The following CCT2 variants were observed in gnomAD, a reference collection of about 807,000 sequenced individuals.
CCT2 encodes chaperonin containing TCP1 subunit 2.
A neutral mutation model predicts 61.8 loss-of-function variants in CCT2; 18 were observed. The ratio of observed to expected loss-of-function variants is 0.29; its 90% confidence interval spans 0.20 to 0.43. The LOEUF (loss-of-function observed/expected upper bound fraction) is 0.43. CCT2 is among the 20% of genes least tolerant of loss of function. The probability of loss-of-function intolerance (pLI) is 1.00; values close to 1 mark genes in which losing one functional copy is unlikely to be tolerated. For missense variants in CCT2, 556 were observed against 656.9 expected (o/e 0.85, Z 1.68); for synonymous variants, 248 against 215.9 (o/e 1.15, Z -1.30).
intron 3 of CCT2, 82 bp downstream of exon 3, chr12:69,586,900 C>CT: frequency 2.4e-6 from 2 of 820,700 alleles, no homozygotes; most frequent in Non-Finnish European, 3.8e-6. Flanking sequence ...TATTAAAATG[C>CT]TTTTTAATCT....
At chr12:69,588,417 T>G (rs1881731423) in intron 6 of CCT2, 155 bp downstream of exon 6, 1 of 594,732 alleles carries the variant, frequency 1.7e-6, no homozygotes, top group African/African-American at 1.9e-5. Flanking sequence ...CCTCCAGAGA[T>G]AGCCACTAAA....
At chr12:69,585,977 C>T in intron 1 of CCT2, 14 of 1,315,118 alleles carry the variant, frequency 1.1e-5, no homozygotes, top group Non-Finnish European at 1.4e-5. Context: ...CTCCCTGCCT[C>T]ATTCTTAGTT....
chr12:69,597,261 C>G lies in CCT2; in HGVS notation c.1088C>G (p.Ser363Cys). ...MIGEDKLIHF[S>C]GVALGEACTI... ...GGAGAAGACAAACTCATTCACTTTT[C>G]TGGGGTTGCCCTTGGTGAGTGATTA... Residue 363 changes from serine to cysteine, a missense_variant, in exon 11 of 16, where the codon TCT becomes TGT. Transcript: ENST00000299300. 6.2e-7 allele frequency: 1 copy of G among 1,613,878 alleles called. No individual in the cohort carries two copies. The highest frequency in any genetic ancestry group is 8.5e-7 in the Non-Finnish European group (1 of 1,179,868).
At chr12:69,593,755 A>C in intron 10 of CCT2, 142 bp downstream of exon 10, 2 of 535,328 alleles carry the variant, frequency 3.7e-6, no homozygotes, top group Non-Finnish European at 6.6e-6. Context: ...CCTTTAATTT[A>C]GATACATAGA....
intron 14 of CCT2, 56 bp downstream of exon 14, chr12:69,598,477 GCTTTTTT>G: frequency 9.0e-7 from 1 of 1,106,530 alleles, no homozygotes; most frequent in Non-Finnish European, 1.3e-6. Flanking sequence ...TTTTCACTAA[GCTTTTTT>G]TTTCTTTTGG....
chr12:69,591,137 A>G (rs1468805134), intron 7 of CCT2, among the ~76,000 whole-genome samples: 6 of 152,100 alleles, frequency 3.9e-5, no homozygotes, highest in African/African-American at 1.4e-4. Flanking sequence ...TGTAATAGGA[A>G]CTTTAGTCAT....
intron 5 of CCT2, 57 bp downstream of exon 5, chr12:69,588,063 T>C (rs1338125488): frequency 6.5e-6 from 10 of 1,544,372 alleles, no homozygotes; most frequent in African/African-American, 2.7e-5. Context: ...TCAGAGGTAA[T>C]CTAGTCCTTA....
intron 1 of CCT2, 100 bp downstream of exon 1, chr12:69,585,624 T>C: frequency 6.5e-7 from 1 of 1,547,170 alleles, no homozygotes; most frequent in Non-Finnish European, 8.7e-7. Flanking sequence ...GCTCCGTTTC[T>C]GTCTCCCCGG....
intron 7 of CCT2, 166 bp downstream of exon 7, chr12:69,589,853 T>C (rs1251295517): frequency 8.2e-6 from 5 of 608,680 alleles, no homozygotes; most frequent in Non-Finnish European, 1.4e-5. Context: ...AGTGTACTCC[T>C]CTTCCCGCGC....
In CCT2 at chr12:69,587,602, C is replaced by G; in HGVS notation, c.242C>G (p.Ala81Gly). The G allele has an allele frequency of 6.2e-7, 1 of 1,606,580 alleles. No homozygotes were observed. Among genetic ancestry groups the G allele is most frequent in the South Asian group, 1.1e-5 (1 of 90,882 alleles). ...LKNIGVDNPA[A>G]KVLVDMSRVQ... is the part of the protein sequence containing the mutation. ...AACATTGGTGTTGACAATCCAGCAG[C>G]TAAAGTTTTAGTTGGTAAGTCTGAA... is the stretch of plus-strand genomic sequence containing the variant. Residue 81 changes from alanine to glycine, a missense_variant, in exon 4 of 16, where the codon GCT becomes GGT. By Grantham distance (60) the Ala-to-Gly change is moderately conservative. Transcript: ENST00000299300.
rs1433532540 is a variant in CCT2 at position 69,586,832 on chromosome 12, A to G, written c.144+14A>G. On this transcript the variant is annotated intron_variant, in intron 3 of 15. Transcript: ENST00000299300. Reference sequence around the variant, plus strand: ...CCCAAAGGCATGGTAAGAAAAATAGAAAAGTTTTATATTTTAATATTGTTT... The same window carrying G: ...CCCAAAGGCATGGTAAGAAAAATAGGAAAGTTTTATATTTTAATATTGTTT... 18 of 1,530,982 alleles carry G rather than the reference A, an allele frequency of 1.2e-5. No homozygotes were observed. In the Admixed American group the frequency reaches 2.9e-4, roughly 25 times the overall value. The allele number at this position is 1,530,982 out of a possible 1,614,324, so 94.8% of individuals were successfully genotyped here.
chr12:69,599,508 C>T (rs35641), intron 14 of CCT2, among the ~76,000 whole-genome samples: 66,094 of 151,948 alleles, frequency 0.43, 15,390 homozygotes, highest in East Asian at 0.64. Context: ...CTGCCTCAGC[C>T]TCCTGAGTAG....
chr12:69,601,181 C>A, intron 15 of CCT2, 114 bp from the exon 16 acceptor site: 1 of 830,364 alleles, frequency 1.2e-6, no homozygotes, highest in Non-Finnish European at 1.9e-6. Context: ...CAAACCATTG[C>A]AGAGTTATAA....
At chr12:69,600,043 A>G (rs1593102685) in intron 15 of CCT2, 39 bp downstream of exon 15, 1 of 1,555,374 alleles carries the variant, frequency 6.4e-7, no homozygotes. Context: ...TACTAACAGC[A>G]AAACAAAATA....
intron 15 of CCT2, among the ~76,000 whole-genome samples, chr12:69,600,998 G>T (rs1001559503): frequency 6.6e-6 from 1 of 152,158 alleles, no homozygotes; most frequent in African/African-American, 2.4e-5. Flanking sequence ...ACACAGAGGA[G>T]GGGGCTGAGT....
chr12:69,597,948 A>T lies in CCT2; in HGVS notation c.1232-20A>T. 2 of 1,593,158 alleles carry T rather than the reference A, an allele frequency of 1.3e-6. No individual in the cohort carries two copies. Among genetic ancestry groups the T allele is most frequent in the Non-Finnish European group, 1.7e-6 (2 of 1,162,888 alleles). ...AGACAACTAAGCATTGCAATATTTTATTGGAATTTTAATCTTTAGGCTGTT... is the reference window on the plus strand; with the variant it reads ...AGACAACTAAGCATTGCAATATTTTTTTGGAATTTTAATCTTTAGGCTGTT... On this transcript the variant is annotated intron_variant, in intron 12 of 15. Transcript: ENST00000299300.
chr12:69,596,998 G>A (rs918555865), intron 10 of CCT2, among the ~76,000 whole-genome samples, 158 bp from the exon 11 acceptor site: 1 of 152,062 alleles, frequency 6.6e-6, no homozygotes, highest in Non-Finnish European at 1.5e-5. Context: ...ATAATTAGTC[G>A]ATATGAAGTA....
intron 7 of CCT2, among the ~76,000 whole-genome samples, chr12:69,590,192 T>G (rs1881792087): frequency 6.6e-6 from 1 of 152,236 alleles, no homozygotes; most frequent in African/African-American, 2.4e-5. Flanking sequence ...ATGCAGTATT[T>G]GCAGGATTTG....
intron 10 of CCT2, 49 bp from the exon 11 acceptor site, chr12:69,597,107 G>A: frequency 8.8e-6 from 14 of 1,584,190 alleles, no homozygotes; most frequent in Non-Finnish European, 1.2e-5. Context: ...TAGAAAACAG[G>A]AATTTTAAGC....
Sources: gnomAD v4.1 joint callset for allele counts (sites outside exome capture counted in the v4.1 genomes callset) on GRCh38, gnomAD v4.1.1 for gene constraint, MANE v1.5 for transcripts, NCBI Gene and HGNC (gene_info 2026-07-23, HGNC 2026-07-21) for gene names.